Variants in CDH13 observed in about 807,000 individuals in gnomAD.
The protein encoded by CDH13 is cadherin-13.
CDH13 carries 24 observed loss-of-function variants against 63.8 expected under a neutral mutation model. The ratio of observed to expected loss-of-function variants is 0.38; its 90% CI spans 0.27 to 0.53. The LOEUF is 0.53. Among genes scored for constraint, CDH13 ranks in the 20% least tolerant of loss-of-function variants. The pLI is 0.85. For synonymous variants in CDH13, 503 were observed against 355.3 expected (o/e 1.42, Z -4.67); for missense variants, 1,049 against 903.1 (o/e 1.16, Z -2.07).
At chr16:83,374,572 A>G (rs564950598) in intron 6 of CDH13, among the ~76,000 whole-genome samples, 10 of 152,344 alleles carry the variant, frequency 6.6e-5, no homozygotes, top group African/African-American at 2.4e-4. Context: ...AGCGTAAAGA[A>G]CATCTGAGTT....
At chr16:83,376,690 A>AG (rs1259935513) in intron 6 of CDH13, among the ~76,000 whole-genome samples, 1 of 152,146 alleles carries the variant, frequency 6.6e-6, no homozygotes, top group Non-Finnish European at 1.5e-5. Context: ...AGAGAGAGTT[A>AG]GGAGGTACAA....
At chr16:83,077,140 G>T (rs2032896453) in intron 3 of CDH13, among the ~76,000 whole-genome samples, 1 of 144,084 alleles carries the variant, frequency 6.9e-6, no homozygotes, top group African/African-American at 2.6e-5. Context: ...CTTTCACTCA[G>T]CATAAGATTT....
At chr16:83,144,677 T>C (rs896651611) in intron 4 of CDH13, among the ~76,000 whole-genome samples, 1 of 152,212 alleles carries the variant, frequency 6.6e-6, no homozygotes, top group Non-Finnish European at 1.5e-5. Flanking sequence ...ATCTCTCTAT[T>C]TTTTTCCCTG....
chr16:82,796,968 T>G (rs1184814963), intron 1 of CDH13, among the ~76,000 whole-genome samples: 1 of 152,304 alleles, frequency 6.6e-6, no homozygotes, highest in South Asian at 2.1e-4. Context: ...GAATGCCCAT[T>G]GGAGGCAGGA....
At position 82,779,957 on chromosome 16, in the gene CDH13, A is replaced by C. The variant is rs557793223; in HGVS notation, c.46-78405A>C. Among the ~76,000 whole-genome samples the C allele has an allele frequency of 1.9e-4, 29 of 152,258 alleles. No individual in the cohort carries two copies. In the South Asian group the frequency reaches 5.0e-3, roughly 26 times the overall value. ...CATGTGTATCATGTTACTGCATCTT[A>C]CCTTGACAGGCGCACTTTAGGGGAT... On this transcript the variant is annotated intron_variant, in intron 1 of 13. Coordinates refer to ENST00000567109, the MANE Select transcript of CDH13 (RefSeq NM_001257.5).
At chr16:83,243,353 G>A (rs1904665320) in intron 5 of CDH13, among the ~76,000 whole-genome samples, 1 of 152,206 alleles carries the variant, frequency 6.6e-6, no homozygotes, top group Non-Finnish European at 1.5e-5. Flanking sequence ...CATGGCGGCA[G>A]GGAAGAGAGA....
intron 7 of CDH13, among the ~76,000 whole-genome samples, chr16:83,507,434 G>C (rs1008636543): frequency 6.6e-6 from 1 of 152,146 alleles, no homozygotes; most frequent in African/African-American, 2.4e-5. Context: ...AGCATATTTG[G>C]CTAGAAAGAC....
intron 1 of CDH13, among the ~76,000 whole-genome samples, chr16:82,645,955 T>C (rs753003176): frequency 6.6e-6 from 1 of 152,226 alleles, no homozygotes. Context: ...GCCTAAACTT[T>C]TGGGGGTTAT....
intron 5 of CDH13, among the ~76,000 whole-genome samples, chr16:83,258,184 T>C (rs1044629897): frequency 3.3e-5 from 5 of 152,304 alleles, no homozygotes; most frequent in Non-Finnish European, 7.3e-5. Context: ...AGTGAAGAAA[T>C]TGATTTAGCT....
chr16:83,552,232 C>T (rs2075517227), intron 7 of CDH13, among the ~76,000 whole-genome samples: 4 of 152,146 alleles, frequency 2.6e-5, no homozygotes, highest in Admixed American at 2.0e-4. Flanking sequence ...GGCGTATTCT[C>T]TTGGTCCTGG....
At chr16:82,910,613 C>A (rs566133348) in intron 2 of CDH13, among the ~76,000 whole-genome samples, 57 of 152,130 alleles carry the variant, frequency 3.7e-4, no homozygotes, top group Non-Finnish European at 7.6e-4. Context: ...TTGGAAAATT[C>A]GTTCTGTCCT....
chr16:83,782,589 A>T (rs529920647), intron 12 of CDH13, among the ~76,000 whole-genome samples: 1 of 152,190 alleles, frequency 6.6e-6, no homozygotes, highest in Non-Finnish European at 1.5e-5. Flanking sequence ...TACAAAAATT[A>T]GCTGGGCATG....
chr16:82,667,760 C>A (rs1912770753), intron 1 of CDH13, among the ~76,000 whole-genome samples: 1 of 152,068 alleles, frequency 6.6e-6, no homozygotes, highest in South Asian at 2.1e-4. Flanking sequence ...CCCTTCTGAG[C>A]CGCCACAGCT....
At chr16:83,151,957 A>G (rs2037000121) in intron 4 of CDH13, among the ~76,000 whole-genome samples, 1 of 152,156 alleles carries the variant, frequency 6.6e-6, no homozygotes. Flanking sequence ...AAAAAAAGAA[A>G]AGGAAAAGAA....
At chr16:82,627,226 G>A in intron 1 of CDH13, 89 bp downstream of exon 1, 1 of 1,149,026 alleles carries the variant, frequency 8.7e-7, no homozygotes, top group East Asian at 2.5e-5. Context: ...GCTTTCGGGG[G>A]GTCGGGGCCT....
chr16:83,090,324 C>G (rs1303729167), intron 3 of CDH13, among the ~76,000 whole-genome samples: 1 of 152,076 alleles, frequency 6.6e-6, no homozygotes, highest in East Asian at 1.9e-4. Context: ...GCCTGTAATC[C>G]CAGCACTTTG....
intron 1 of CDH13, among the ~76,000 whole-genome samples, chr16:82,828,646 TTG>T (rs60031294): frequency 0.16 from 23,055 of 142,564 alleles, 3,250 homozygotes; most frequent in East Asian, 0.72. Flanking sequence ...ATAGATGTGT[TTG>T]TGTGTGTGTG....
chr16:83,254,874 G>A lies in CDH13; in HGVS notation c.636+37377G>A, dbSNP rs146310327. On this transcript the variant is annotated intron_variant, in intron 5 of 13. Transcript: ENST00000567109. ...CTTGTAAAAATGGTCCCTACTAGGG[G>A]AAATGCTAGATGAGATGCTAAAACT... Among the ~76,000 whole-genome samples, 1,228 of 152,248 alleles carry A rather than the reference G, an allele frequency of 8.1e-3. 21 individuals are homozygous for A. Among genetic ancestry groups the A allele is most frequent in the African/African-American group, 0.028 (1,147 of 41,540 alleles).
chr16:83,159,029 A>T (rs76229582), intron 4 of CDH13, among the ~76,000 whole-genome samples: 2 of 152,012 alleles, frequency 1.3e-5, no homozygotes, highest in East Asian at 3.9e-4. Flanking sequence ...TTCACTCACA[A>T]TTCCTACATA....
Sources: gnomAD v4.1 joint callset for allele counts (sites outside exome capture counted in the v4.1 genomes callset) on GRCh38, gnomAD v4.1.1 for gene constraint, MANE v1.5 for transcripts, NCBI Gene and HGNC (gene_info 2026-07-23, HGNC 2026-07-21) for gene names.